The following ANXA4 variants were observed in gnomAD, a reference collection of about 807,000 sequenced individuals.
The protein encoded by ANXA4 is 35-beta calcimedin.
In ANXA4, 39 loss-of-function variants were observed where a neutral mutation model predicts 49.8. That is an observed-to-expected ratio of 0.78 (90% CI 0.61 to 1.02). ANXA4 has a LOEUF of 1.02. Ranked by LOEUF, ANXA4 falls within the 50% of genes least tolerant of loss-of-function variation. The probability of loss-of-function intolerance (pLI) is 0.00; values close to 1 mark genes in which losing one functional copy is unlikely to be tolerated. For missense variants in ANXA4, 360 were observed against 410.1 expected, an observed-to-expected ratio of 0.88 and a Z score of 1.05; for synonymous variants, 134 against 152.5, an observed-to-expected ratio of 0.88 and a Z score of 0.89.
At chr2:69,744,163 T>A (rs1398425273) in intron 1 of ANXA4, among the ~76,000 whole-genome samples, 1 of 152,064 alleles carries the variant, frequency 6.6e-6, no homozygotes, top group East Asian at 1.9e-4. Flanking sequence ...TAAAAATTAC[T>A]TGGGCATGGT....
intron 2 of ANXA4, among the ~76,000 whole-genome samples, chr2:69,668,705 A>G (rs67903381): frequency 0.079 from 11,970 of 152,070 alleles, 596 homozygotes; most frequent in African/African-American, 0.13. Context: ...GTGGAAATTC[A>G]TTGTCTTCAG....
intron 8 of ANXA4, among the ~76,000 whole-genome samples, chr2:69,813,531 A>G (rs1231099779): frequency 6.6e-6 from 1 of 151,986 alleles, no homozygotes; most frequent in Non-Finnish European, 1.5e-5. Context: ...GATTACAGGC[A>G]TGAGCCATCG....
At chr2:69,666,862 A>G (rs968032338) in intron 2 of ANXA4, among the ~76,000 whole-genome samples, 3 of 152,144 alleles carry the variant, frequency 2.0e-5, no homozygotes, top group Non-Finnish European at 1.5e-5. Context: ...CCTGGCCAAC[A>G]TGGCAAAATC....
intron 12 of ANXA4, among the ~76,000 whole-genome samples, chr2:69,822,933 G>T (rs1376766845): frequency 6.6e-6 from 1 of 151,716 alleles, no homozygotes; most frequent in Non-Finnish European, 1.5e-5. Flanking sequence ...TTTACCACAA[G>T]AAAAAGTCTC....
intron 3 of ANXA4, among the ~76,000 whole-genome samples, chr2:69,802,268 A>G (rs1673232645): frequency 6.6e-6 from 1 of 152,248 alleles, no homozygotes; most frequent in African/African-American, 2.4e-5. Flanking sequence ...GTTAGCAGAC[A>G]TCTGCACTTG....
rs1363999398 is a variant in ANXA4 at position 69,818,648 on chromosome 2, T to C, written c.678T>C (p.Ile226=). Residue 226 remains isoleucine, a synonymous_variant, in exon 10 of 13, where the codon ATT becomes ATC. Coordinates refer to ENST00000394295, the MANE Select transcript of ANXA4 (RefSeq NM_001153.5). ...RISQKDIEQS[I]KSETSGSFED... ...CACAGAAGGATATTGAACAGAGTATTAAATCTGAAACATCTGGTAGCTTTG... is the reference window on the plus strand; with the variant it reads ...CACAGAAGGATATTGAACAGAGTATCAAATCTGAAACATCTGGTAGCTTTG... 4.3e-6 allele frequency: 7 copies of C among 1,611,218 alleles called. No homozygotes were observed. Among genetic ancestry groups the C allele is most frequent in the Admixed American group, 3.4e-5 (2 of 59,646 alleles).
At chr2:69,653,448 C>T (rs956824992) in intron 2 of ANXA4, among the ~76,000 whole-genome samples, 1 of 152,190 alleles carries the variant, frequency 6.6e-6, no homozygotes, top group African/African-American at 2.4e-5. Context: ...CTCACCTCAT[C>T]CTTAGATTTC....
chr2:69,689,561 A>G (rs1677896059), intron 2 of ANXA4, among the ~76,000 whole-genome samples: 1 of 152,218 alleles, frequency 6.6e-6, no homozygotes, highest in South Asian at 2.1e-4. Context: ...TCTAAGACCC[A>G]CCACCAACCA....
At chr2:69,740,606 A>G (rs142334016), upstream of ANXA4, among the ~76,000 whole-genome samples, 4 of 144,012 alleles carry the variant, frequency 2.8e-5, no homozygotes, top group African/African-American at 1.0e-4. Context: ...AGGCGTGGCT[A>G]TGCACCCGGC....
At chr2:69,798,334 C>T (rs1673033632) in intron 3 of ANXA4, among the ~76,000 whole-genome samples, 1 of 152,188 alleles carries the variant, frequency 6.6e-6, no homozygotes, top group South Asian at 2.1e-4. Flanking sequence ...TATAAAAATT[C>T]CTGCAGCATT....
At chr2:69,759,866 T>G (rs1221718406) in intron 1 of ANXA4, among the ~76,000 whole-genome samples, 1 of 152,218 alleles carries the variant, frequency 6.6e-6, no homozygotes, top group Non-Finnish European at 1.5e-5. Context: ...GGAGTCTGGC[T>G]CTATCGCCCA....
At chr2:69,655,085 C>G (rs1438453995) in intron 2 of ANXA4, among the ~76,000 whole-genome samples, 3 of 152,124 alleles carry the variant, frequency 2.0e-5, no homozygotes. Context: ...TAGAAGAAAA[C>G]CTACGCAATA....
At chr2:69,701,177 A>ATT (rs35914400) in intron 2 of ANXA4, among the ~76,000 whole-genome samples, 2 of 150,434 alleles carry the variant, frequency 1.3e-5, no homozygotes, top group Non-Finnish European at 3.0e-5. Flanking sequence ...GCCTGGCTTA[A>ATT]TTTTTTTTTT....
intron 2 of ANXA4, among the ~76,000 whole-genome samples, chr2:69,712,834 G>C (rs4592873): frequency 0.29 from 44,510 of 151,988 alleles, 8,679 homozygotes; most frequent in African/African-American, 0.53. Context: ...CTTGAGTTGT[G>C]AAGATATCAC....
chr2:69,735,606 G>A (rs1192554737), intron 3 of ANXA4, among the ~76,000 whole-genome samples: 2 of 113,288 alleles, frequency 1.8e-5, no homozygotes, highest in African/African-American at 6.2e-5. Flanking sequence ...TGCCACTCTG[G>A]GAAAAAAAAA....
intron 3 of ANXA4, among the ~76,000 whole-genome samples, chr2:69,723,758 C>T (rs1040420860): frequency 6.6e-6 from 1 of 152,198 alleles, no homozygotes; most frequent in Admixed American, 6.5e-5. Flanking sequence ...CTATATTCCC[C>T]AGGCTGATCT....
chr2:69,735,252 A>G (rs1475621629), intron 3 of ANXA4, among the ~76,000 whole-genome samples: 2 of 152,226 alleles, frequency 1.3e-5, no homozygotes, highest in Non-Finnish European at 2.9e-5. Context: ...TAACAATGCT[A>G]TCTTAAAGAT....
rs745484410 is a variant in ANXA4, at chr2:69,807,963, G to T, written c.364G>T (p.Glu122Ter). 6.8e-6 allele frequency: 11 copies of T among 1,614,174 alleles called. No homozygotes were observed. The highest frequency in any genetic ancestry group is 9.3e-6 in the Non-Finnish European group (11 of 1,180,022). ...IEILASRTPE[E>*]IRRISQTYQQ... ...GATCCTGGCCTCCCGGACCCCTGAG[G>T]AGATCCGGCGCATAAGCCAAACCTA... Residue 122 changes from glutamate (E) to a stop codon, truncating the protein, a stop_gained, in exon 6 of 13, where the codon GAG (glutamate) becomes TAG (stop). Coordinates refer to ENST00000394295, the MANE Select transcript of ANXA4 (RefSeq NM_001153.5). LOFTEE classifies it high-confidence loss of function.
At chr2:69,666,928 TC>T (rs1276996514) in intron 2 of ANXA4, among the ~76,000 whole-genome samples, 2 of 151,966 alleles carry the variant, frequency 1.3e-5, no homozygotes, top group African/African-American at 4.8e-5. Context: ...CACCTGTAGT[TC>T]CAGCTACTCA....
Sources: gnomAD v4.1 joint callset for allele counts (sites outside exome capture counted in the v4.1 genomes callset) on GRCh38, gnomAD v4.1.1 for gene constraint, MANE v1.5 for transcripts, NCBI Gene and HGNC (gene_info 2026-07-23, HGNC 2026-07-21) for gene names.